The following BAIAP2 variants were observed in gnomAD, a reference collection of about 807,000 sequenced individuals.
BAIAP2 encodes the protein BAR/IMD domain-containing adapter protein 2.
A neutral mutation model predicts 63.0 loss-of-function variants in BAIAP2; 18 were observed. The ratio of observed to expected loss-of-function variants is 0.29; its 90% CI spans 0.20 to 0.42. The LOEUF (loss-of-function observed/expected upper bound fraction) is 0.42, where lower values mean the gene tolerates loss of function less well. Ranked by LOEUF, BAIAP2 falls within the 10% of genes least tolerant of loss-of-function variation. The pLI is 1.00. For missense variants in BAIAP2, 610 were observed against 734.3 expected (o/e 0.83, Z 1.96); for synonymous variants, 386 against 307.6 (o/e 1.25, Z -2.67).
chr17:81,092,403 G>A (rs986658961), intron 6 of BAIAP2, among the ~76,000 whole-genome samples: 3 of 152,246 alleles, frequency 2.0e-5, no homozygotes, highest in African/African-American at 7.2e-5. Flanking sequence ...ACCAGGCCCT[G>A]GGGGCAGAGG....
intron 6 of BAIAP2, chr17:81,098,287 G>GC: frequency 1.0e-6 from 1 of 972,200 alleles, no homozygotes; most frequent in Non-Finnish European, 1.3e-6. Context: ...GGAGGCAGCG[G>GC]CCGCCCTCAG....
chr17:81,091,966 G>A (rs367883553), intron 6 of BAIAP2, among the ~76,000 whole-genome samples: 183 of 152,378 alleles, frequency 1.2e-3, no homozygotes, highest in Non-Finnish European at 2.1e-3. Context: ...GCAGCTCCAC[G>A]GGCTGGACGG....
chr17:81,101,988 C>T (rs1349022842), intron 7 of BAIAP2, among the ~76,000 whole-genome samples: 1 of 152,158 alleles, frequency 6.6e-6, no homozygotes, highest in East Asian at 1.9e-4. Context: ...GCGGGGCTGT[C>T]AGTGGCTGGG....
chr17:81,053,399 C>T (rs896577985), intron 1 of BAIAP2: 1 of 499,070 alleles, frequency 2.0e-6, no homozygotes, highest in Admixed American at 3.5e-5. Context: ...AAATGCGCTC[C>T]TTCAGCCCGC....
chr17:81,042,324 A>C (rs1228790413), intron 1 of BAIAP2, among the ~76,000 whole-genome samples: 3 of 132,900 alleles, frequency 2.3e-5, no homozygotes, highest in Admixed American at 7.4e-5. Flanking sequence ...TTTTTTTTTT[A>C]TTTTAATTTT....
chr17:81,069,180 C>T (rs181216732), intron 3 of BAIAP2, among the ~76,000 whole-genome samples: 7 of 152,258 alleles, frequency 4.6e-5, no homozygotes, highest in East Asian at 1.9e-4. Context: ...GCATTCGTGA[C>T]GGTCTCCTAG....
In BAIAP2 at chr17:81,108,469, C is replaced by T. The variant is rs766395982; in HGVS notation, c.1501-6C>T. 2.5e-6 allele frequency: 4 copies of T among 1,613,772 alleles called. No homozygotes were observed. The highest frequency in any genetic ancestry group is 3.4e-6 in the Non-Finnish European group (4 of 1,180,004). On this transcript the variant is annotated splice_polypyrimidine_tract_variant and splice_region_variant and intron_variant, in intron 12 of 13. Coordinates refer to ENST00000428708, the MANE Select transcript of BAIAP2 (RefSeq NM_001144888.2). Reference sequence around the variant, plus strand: ...CGGCCTGACATGTTTCTGCCTCTGCCCCCAGGGCCTGGATGACTATGGAGC... The same window carrying T: ...CGGCCTGACATGTTTCTGCCTCTGCTCCCAGGGCCTGGATGACTATGGAGC...
At chr17:81,078,254 G>T (rs1430727462) in intron 3 of BAIAP2, among the ~76,000 whole-genome samples, 1 of 131,084 alleles carries the variant, frequency 7.6e-6, no homozygotes, top group Non-Finnish European at 1.7e-5. Context: ...TGCCGTATTG[G>T]GTGGGAGCCA....
rs966920097 is a variant in BAIAP2, at chr17:81,062,459, C to T, written c.217+4492C>T. Among the ~76,000 whole-genome samples the T allele has an allele frequency of 2.0e-5, 3 of 152,118 alleles. No homozygotes were observed. The East Asian group carries it at 5.8e-4, about 29-fold the overall frequency. On this transcript the variant is annotated intron_variant, in intron 3 of 13. Coordinates refer to ENST00000428708, the MANE Select transcript of BAIAP2 (RefSeq NM_001144888.2). ...TCGCTTCATTTTCAATGCGCCATCA[C>T]GAATTTCTCCCCACAGCCTCAGCTG...
intron 6 of BAIAP2, among the ~76,000 whole-genome samples, chr17:81,098,673 T>C (rs962410597): frequency 3.9e-5 from 6 of 152,136 alleles, no homozygotes; most frequent in African/African-American, 1.4e-4. Flanking sequence ...GGGGAAATCA[T>C]TTTGGCTGGA....
intron 2 of BAIAP2, among the ~76,000 whole-genome samples, chr17:81,057,171 G>T (rs538219196): frequency 6.6e-6 from 1 of 152,218 alleles, no homozygotes; most frequent in East Asian, 1.9e-4. Context: ...GGAGGTCAGG[G>T]CGGGGCTCCC....
At chr17:81,045,827 GC>G (rs1343842387) in intron 1 of BAIAP2, among the ~76,000 whole-genome samples, 2 of 152,134 alleles carry the variant, frequency 1.3e-5, no homozygotes, top group African/African-American at 4.8e-5. Context: ...GGTCAGCCAG[GC>G]CACGCCGAAG....
intron 11 of BAIAP2, 115 bp from the exon 12 acceptor site, chr17:81,106,630 C>A: frequency 7.9e-7 from 1 of 1,267,296 alleles, no homozygotes; most frequent in Non-Finnish European, 1.1e-6. Context: ...CTGAGAGCAG[C>A]CTCCCCGCAT....
rs547781129 is a variant in BAIAP2 at position 81,063,126 on chromosome 17, G to C, written c.217+5159G>C. On this transcript the variant is annotated intron_variant, in intron 3 of 13. Transcript: ENST00000428708. Reference sequence around the variant, plus strand: ...AGGGGTTAAGAGGAGGGGTGAAGGAGAGGGGCAAAGGGTGTGTCCAAAGGT... The same window carrying C: ...AGGGGTTAAGAGGAGGGGTGAAGGACAGGGGCAAAGGGTGTGTCCAAAGGT... Among the ~76,000 whole-genome samples, 24 of 152,266 alleles carry C rather than the reference G, an allele frequency of 1.6e-4. 1 individual carries two copies. The South Asian group carries it at 4.8e-3, about 30-fold the overall frequency.
chr17:81,059,669 T>TTGAGC (rs1428079448), intron 3 of BAIAP2, among the ~76,000 whole-genome samples: 1 of 152,212 alleles, frequency 6.6e-6, no homozygotes, highest in Non-Finnish European at 1.5e-5. Flanking sequence ...CAGGCTGGTC[T>TTGAGC]TGAGCTCCTG....
intron 1 of BAIAP2, among the ~76,000 whole-genome samples, chr17:81,049,444 T>C (rs1008285221): frequency 1.3e-5 from 2 of 152,180 alleles, no homozygotes; most frequent in African/African-American, 4.8e-5. Context: ...GGTTTCTCTC[T>C]CCTGGCCTAG....
At chr17:81,092,905 T>C (rs1215744233) in intron 6 of BAIAP2, among the ~76,000 whole-genome samples, 1 of 152,066 alleles carries the variant, frequency 6.6e-6, no homozygotes, top group African/African-American at 2.4e-5. Context: ...CTGGTCCAGC[T>C]CCTCCTTAGA....
At chr17:81,093,724 A>G (rs1224216556) in intron 6 of BAIAP2, among the ~76,000 whole-genome samples, 1 of 152,004 alleles carries the variant, frequency 6.6e-6, no homozygotes, top group Non-Finnish European at 1.5e-5. Context: ...TATAGCCTGG[A>G]TTGAGGTCTG....
intron 3 of BAIAP2, chr17:81,076,390 G>C (rs2053663879): frequency 2.0e-5 from 3 of 152,154 alleles, no homozygotes; most frequent in Admixed American, 2.0e-4. Flanking sequence ...CTGATGTTCT[G>C]ACCTCCCAAA....
Sources: gnomAD v4.1 joint callset for allele counts (sites outside exome capture counted in the v4.1 genomes callset) on GRCh38, gnomAD v4.1.1 for gene constraint, MANE v1.5 for transcripts, NCBI Gene and HGNC (gene_info 2026-07-23, HGNC 2026-07-21) for gene names.